The following ASB18 variants were observed in gnomAD, a reference collection of about 807,000 sequenced individuals.
ASB18 encodes the protein ankyrin repeat and SOCS box containing 18, also known as ankyrin repeat and SOCS box protein 18.
Under a neutral mutation model 33.4 loss-of-function variants are expected in ASB18, and 33 were observed. The ratio of observed to expected loss-of-function variants is 0.99; its 90% CI spans 0.75 to 1.32. The LOEUF (loss-of-function observed/expected upper bound fraction) is 1.32, where lower values mean the gene tolerates loss of function less well. ASB18 is among the 40% of genes most tolerant of loss of function. The probability of loss-of-function intolerance (pLI) is 0.00; values close to 1 mark genes in which losing one functional copy is unlikely to be tolerated. For synonymous variants in ASB18, 295 were observed against 307.6 expected (o/e 0.96, Z 0.43); for missense variants, 694 against 655.5 (o/e 1.06, Z -0.64).
In ASB18 at chr2:236,259,807, T is replaced by C. The variant is rs143195426; in HGVS notation, c.205+4334A>G. ...GACTGATGGCCATTCTCCTGCCTAA[T>C]GCCTGCCTCAGCAGGGTATGTTCTG... On this transcript the variant is annotated intron_variant, in intron 1 of 5. Transcript: ENST00000409749. The surrounding 1 kb of genome is among the most constrained non-coding windows in gnomAD (Gnocchi z 4.4). 2.6e-5 allele frequency among the ~76,000 whole-genome samples: 4 copies of C among 152,368 alleles called. No individual in the cohort carries two copies. Among genetic ancestry groups the C allele is most frequent in the Non-Finnish European group, 4.4e-5 (3 of 68,038 alleles).
rs965914680 is a variant in ASB18, at chr2:236,204,307, C to G, written c.1102-7922G>C. Among the ~76,000 whole-genome samples, 13 of 152,182 alleles carry G rather than the reference C, an allele frequency of 8.5e-5. No individual in the cohort carries two copies. Among genetic ancestry groups the G allele is most frequent in the African/African-American group, 3.1e-4 (13 of 41,448 alleles). Reference sequence around the variant, plus strand: ...GCCACGCCTGACATGTTGACGATGTCTTCCACCTCAATGCAGCCTTCACTT... The same window carrying G: ...GCCACGCCTGACATGTTGACGATGTGTTCCACCTCAATGCAGCCTTCACTT... On this transcript the variant is annotated intron_variant, in intron 4 of 5. Coordinates refer to ENST00000409749, the MANE Select transcript of ASB18 (RefSeq NM_212556.4). The surrounding 1 kb of genome is among the most constrained non-coding windows in gnomAD (Gnocchi z 5.1).
rs1401355319 is a variant in ASB18 at position 236,193,494 on chromosome 2, G to A, written c.*1378C>T. ...TTTAATGTCATTTTATTATAACACC[G>A]ATAAGAAACAAAACTGATTCGGCAG... On this transcript the variant is annotated 3_prime_UTR_variant, in exon 6 of 6. Coordinates refer to ENST00000409749, the MANE Select transcript of ASB18 (RefSeq NM_212556.4). This position sits in a 1 kb window ranked among gnomAD's most constrained non-coding sequence, Gnocchi z 5.0. Among the ~76,000 whole-genome samples, 5 of 152,126 alleles carry A rather than the reference G, an allele frequency of 3.3e-5. No individual in the cohort carries two copies. Among genetic ancestry groups the A allele is most frequent in the Admixed American group, 1.3e-4 (2 of 15,268 alleles).
intron 1 of ASB18, chr2:236,247,486 C>T (rs766163174): frequency 3.3e-5 from 5 of 152,070 alleles, no homozygotes; most frequent in African/African-American, 9.7e-5. Context: ...GGTTTCTTTC[C>T]CAGCAGCTGA....
chr2:236,239,302 C>T lies in ASB18; in HGVS notation c.329-1346G>A, dbSNP rs1343328007. On this transcript the variant is annotated intron_variant, in intron 2 of 5. Transcript: ENST00000409749. This position sits in a 1 kb window ranked among gnomAD's most constrained non-coding sequence, Gnocchi z 5.6. ...CCAACCCAGCCCCACCCTACCCTAG[C>T]GCTCAGTAAACCCACCCTGGATTCC... Among the ~76,000 whole-genome samples the T allele has an allele frequency of 6.6e-6, 1 of 152,012 alleles. No homozygotes were observed. The highest frequency in any genetic ancestry group is 1.5e-5 in the Non-Finnish European group (1 of 67,992).
At position 236,241,304 on chromosome 2, in the gene ASB18, A is replaced by G. The variant is rs752616922; in HGVS notation, c.304T>C (p.Ser102Pro). 6.2e-7 allele frequency: 1 copy of G among 1,613,742 alleles called. No homozygotes were observed. Among genetic ancestry groups the G allele is most frequent in the Admixed American group, 1.7e-5 (1 of 60,002 alleles). ...NKDEMEWQVKSPATFGLSGLW... is the reference protein window; with the variant it reads ...NKDEMEWQVKPPATFGLSGLW... Reference sequence around the variant, plus strand: ...CCTGATAGTCCAAACGTGGCTGGAGATTTCACCTGCCATTCCATCTCATCC... The same window carrying G: ...CCTGATAGTCCAAACGTGGCTGGAGGTTTCACCTGCCATTCCATCTCATCC... Residue 102 changes from serine (S) to proline (P), a missense_variant, in exon 2 of 6, where the codon TCT becomes CCT. Ser to Pro is a moderately conservative substitution (Grantham distance 74). Transcript: ENST00000409749. This position sits in a 1 kb window ranked among gnomAD's most constrained non-coding sequence, Gnocchi z 4.2.
chr2:236,232,951 A>G (rs2060573339), intron 3 of ASB18, among the ~76,000 whole-genome samples: 1 of 152,090 alleles, frequency 6.6e-6, no homozygotes, highest in Non-Finnish European at 1.5e-5. Flanking sequence ...TGAGACCAGC[A>G]TTACTCTGAT....
intron 4 of ASB18, among the ~76,000 whole-genome samples, chr2:236,202,767 G>A (rs2060410478): frequency 8.8e-6 from 1 of 113,810 alleles, no homozygotes; most frequent in Non-Finnish European, 1.7e-5. Context: ...GACAGAGTGA[G>A]ACTCCGTCTC....
chr2:236,243,271 A>G (rs1300162178), intron 1 of ASB18, among the ~76,000 whole-genome samples: 1 of 148,426 alleles, frequency 6.7e-6, no homozygotes, highest in East Asian at 2.0e-4. Flanking sequence ...CGGAGCTTGC[A>G]GTGAGCCGAG....
rs968789088 is a variant in ASB18, at chr2:236,228,793, G to A, written c.596+8896C>T. Among the ~76,000 whole-genome samples the A allele has an allele frequency of 3.9e-5, 6 of 152,150 alleles. No homozygotes were observed. The highest frequency in any genetic ancestry group is 1.3e-4 in the Admixed American group (2 of 15,282). ...AAAAATTAACCTTAGACTAACCACC[G>A]ATTGACTTCTGATTAATAAAGCTTA... is the stretch of plus-strand genomic sequence containing the variant. On this transcript the variant is annotated intron_variant, in intron 3 of 5. Transcript: ENST00000409749. The surrounding 1 kb of genome is among the most constrained non-coding windows in gnomAD (Gnocchi z 5.1).
chr2:236,218,625 C>T (rs1018871205), intron 3 of ASB18, among the ~76,000 whole-genome samples: 2 of 151,842 alleles, frequency 1.3e-5, no homozygotes, highest in South Asian at 2.1e-4. Flanking sequence ...GGTGAAACCC[C>T]GTCTCTACTA....
chr2:236,195,623 C>T lies in ASB18; in HGVS notation c.1216-566G>A, dbSNP rs1002032481. On this transcript the variant is annotated intron_variant, in intron 5 of 5. Coordinates refer to ENST00000409749, the MANE Select transcript of ASB18 (RefSeq NM_212556.4). This position sits in a 1 kb window ranked among gnomAD's most constrained non-coding sequence, Gnocchi z 5.5. ...CTCTGCCTCCTGGGCTCAAGCGATTCTCCTGCCTTAGCCTCCTGAGTAACT... is the reference window on the plus strand; with the variant it reads ...CTCTGCCTCCTGGGCTCAAGCGATTTTCCTGCCTTAGCCTCCTGAGTAACT... Among the ~76,000 whole-genome samples, 1 of 151,888 alleles carries T rather than the reference C, an allele frequency of 6.6e-6. No homozygotes were observed. Among genetic ancestry groups the T allele is most frequent in the Non-Finnish European group, 1.5e-5 (1 of 68,014 alleles).
rs2106284029 is a variant in ASB18 at position 236,250,587 on chromosome 2, A to G, written c.206-9185T>C. 1 of 152,224 alleles carries G rather than the reference A, an allele frequency of 6.6e-6. No homozygotes were observed. The highest frequency in any genetic ancestry group is 2.1e-4 in the South Asian group (1 of 4,814). 9.4% of individuals were successfully genotyped at this position (152,224 alleles called of 1,614,324 possible). A position where few individuals can be genotyped will look rare whatever the true frequency, so the allele number is the denominator to read the frequency against. ...GGAGGGTTTCTGTAAATGGCCATGTACTAAGTCTGACTGGACTCTAGGATA... is the reference window on the plus strand; with the variant it reads ...GGAGGGTTTCTGTAAATGGCCATGTGCTAAGTCTGACTGGACTCTAGGATA... On this transcript the variant is annotated intron_variant, in intron 1 of 5. Transcript: ENST00000409749. The surrounding 1 kb of genome is among the most constrained non-coding windows in gnomAD (Gnocchi z 4.1).
Position 236,241,398 on chromosome 2 carries a change from G to A in ASB18, c.210C>T (p.Asp70=). 1 of 1,613,976 alleles carries A rather than the reference G, an allele frequency of 6.2e-7. No homozygotes were observed. The highest frequency in any genetic ancestry group is 8.5e-7 in the Non-Finnish European group (1 of 1,179,880). The change falls in exon 2 of 6, where the codon GAC becomes GAT. Residue 70 remains aspartate (D), a synonymous_variant. Coordinates refer to ENST00000409749, the MANE Select transcript of ASB18 (RefSeq NM_212556.4). This position sits in a 1 kb window ranked among gnomAD's most constrained non-coding sequence, Gnocchi z 4.2. ...CCATGAGGGGCTTCAGATGGTCGAG[G>A]TCCCCTGCGACCAGGGCAGTGTGGT... is the stretch of plus-strand genomic sequence containing the variant. The part of the protein sequence containing the change: ...AQLPTGMLLG[D]LDHLKPLMDQ...
At position 236,214,992 on chromosome 2, in the gene ASB18, C is replaced by T. The variant is rs2060481010; in HGVS notation, c.597-126G>A. 1 of 652,678 alleles carries T rather than the reference C, an allele frequency of 1.5e-6. No individual in the cohort carries two copies. Among genetic ancestry groups the T allele is most frequent in the Non-Finnish European group, 2.1e-6 (1 of 482,760 alleles). 40.4% of individuals were successfully genotyped at this position (652,678 alleles called of 1,614,324 possible). On this transcript the variant is annotated intron_variant, in intron 3 of 5. Coordinates refer to ENST00000409749, the MANE Select transcript of ASB18 (RefSeq NM_212556.4). The surrounding 1 kb of genome is among the most constrained non-coding windows in gnomAD (Gnocchi z 6.5). ...AAAGACATGCTCCGCTCTCCCATAC[C>T]AAGGCGTCAGGAGTTCAAACTAAAC...
chr2:236,237,811 C>G lies in ASB18; in HGVS notation c.474G>C (p.Glu158Asp). 7.2e-7 allele frequency: 1 copy of G among 1,397,108 alleles called. No homozygotes were observed. Among genetic ancestry groups the G allele is most frequent in the South Asian group, 1.6e-5 (1 of 63,620 alleles). The allele number at this position is 1,397,108 out of a possible 1,614,324, so 86.5% of individuals were successfully genotyped here. A position where few individuals can be genotyped will look rare whatever the true frequency, so the allele number is the denominator to read the frequency against. ...ASPGGRGALHEACLGGHTACV... is the reference protein window; with the variant it reads ...ASPGGRGALHDACLGGHTACV... ...AGGCGGTGTGGCCCCCGAGGCAGGCCTCGTGCAGGGCGCCGCGGCCGCCGG... is the reference window on the plus strand; with the variant it reads ...AGGCGGTGTGGCCCCCGAGGCAGGCGTCGTGCAGGGCGCCGCGGCCGCCGG... The change falls in exon 3 of 6, where the codon GAG (glutamate) becomes GAC (aspartate). Residue 158 changes from glutamate (E) to aspartate (D), a missense_variant. Coordinates refer to ENST00000409749, the MANE Select transcript of ASB18 (RefSeq NM_212556.4). This position sits in a 1 kb window ranked among gnomAD's most constrained non-coding sequence, Gnocchi z 6.2.
chr2:236,250,227 C>T lies in ASB18; in HGVS notation c.206-8825G>A, dbSNP rs546988709. On this transcript the variant is annotated intron_variant, in intron 1 of 5. Transcript: ENST00000409749. This position sits in a 1 kb window ranked among gnomAD's most constrained non-coding sequence, Gnocchi z 4.1. ...CCCCAGAAGCCTCCAAGGATTAATC[C>T]AGCTGAGGCTGAAACCTGGAGCTGG... 41 of 152,334 alleles carry T rather than the reference C, an allele frequency of 2.7e-4. 1 individual carries two copies. Among genetic ancestry groups the T allele is most frequent in the African/African-American group, 9.6e-4 (40 of 41,582 alleles). The allele number at this position is 152,334 out of a possible 1,614,324, so 9.4% of individuals were successfully genotyped here.
chr2:236,215,602 T>A lies in ASB18; in HGVS notation c.597-736A>T, dbSNP rs953479913. Among the ~76,000 whole-genome samples, 2 of 152,148 alleles carry A rather than the reference T, an allele frequency of 1.3e-5. No homozygotes were observed. The highest frequency in any genetic ancestry group is 1.5e-5 in the Non-Finnish European group (1 of 68,022). ...CTTCTGCTGCCTCCAGGAGCATGACTGTCCTCTACCCCAGGCACCAGGCTT... is the reference window on the plus strand; with the variant it reads ...CTTCTGCTGCCTCCAGGAGCATGACAGTCCTCTACCCCAGGCACCAGGCTT... On this transcript the variant is annotated intron_variant, in intron 3 of 5. Transcript: ENST00000409749. This position sits in a 1 kb window ranked among gnomAD's most constrained non-coding sequence, Gnocchi z 7.2.
Position 236,264,126 on chromosome 2 carries a change from G to T in ASB18, c.205+15C>A. The T allele has an allele frequency of 4.3e-6, 7 of 1,611,880 alleles. No individual in the cohort carries two copies. Among genetic ancestry groups the T allele is most frequent in the Non-Finnish European group, 5.9e-6 (7 of 1,178,680 alleles). ...AGTAATTAAATCCCAGATGCAGCAG[G>T]CTCGTTCTGGTTACCTAGCAGCATG... On this transcript the variant is annotated intron_variant, in intron 1 of 5. Transcript: ENST00000409749. This position sits in a 1 kb window ranked among gnomAD's most constrained non-coding sequence, Gnocchi z 5.1.
Position 236,194,777 on chromosome 2 carries a change from C to T in ASB18, c.*95G>A, listed in dbSNP as rs748674834. 40 of 1,102,310 alleles carry T rather than the reference C, an allele frequency of 3.6e-5. No homozygotes were observed. The Middle Eastern group carries it at 1.0e-3, about 28-fold the overall frequency. 68.3% of individuals were successfully genotyped at this position (1,102,310 alleles called of 1,614,324 possible). On this transcript the variant is annotated 3_prime_UTR_variant, in exon 6 of 6. Transcript: ENST00000409749. The surrounding 1 kb of genome is among the most constrained non-coding windows in gnomAD (Gnocchi z 4.5). ...GGAGAGCAAGTGGGAAGGGAACTCCCATCACCTCCATCTGCATCAGGGCAC... is the reference window on the plus strand; with the variant it reads ...GGAGAGCAAGTGGGAAGGGAACTCCTATCACCTCCATCTGCATCAGGGCAC...
Sources: gnomAD v4.1 joint callset for allele counts (sites outside exome capture counted in the v4.1 genomes callset) on GRCh38, gnomAD v4.1.1 for gene constraint, Gnocchi (gnomAD v3.1) non-coding constraint, MANE v1.5 for transcripts, NCBI Gene and HGNC (gene_info 2026-07-23, HGNC 2026-07-21) for gene names.